STK32C: variants seen among roughly 807,000 people sequenced by gnomAD.
The protein encoded by STK32C is serine/threonine kinase 32C, also known as serine/threonine-protein kinase 32C.
Under a neutral mutation model 56.5 loss-of-function variants are expected in STK32C, and 31 were observed. The ratio of observed to expected loss-of-function variants is 0.55; its 90% confidence interval spans 0.41 to 0.74. The LOEUF is 0.74. STK32C is among the 30% of genes least tolerant of loss of function. STK32C has a pLI of 0.00. For missense variants in STK32C, 544 were observed against 676.9 expected (o/e 0.80, Z 2.18); for synonymous variants, 309 against 289.4 (o/e 1.07, Z -0.69).
chr10:132,304,912 G>A (rs935702719), intron 1 of STK32C, among the ~76,000 whole-genome samples: 5 of 152,326 alleles, frequency 3.3e-5, no homozygotes, highest in East Asian at 3.9e-4. Context: ...CTAATGCCAC[G>A]TCAGGCTGGA....
At chr10:132,275,356 G>A (rs779983875) in intron 1 of STK32C, among the ~76,000 whole-genome samples, 29 of 152,320 alleles carry the variant, frequency 1.9e-4, no homozygotes, top group Admixed American at 7.2e-4. Flanking sequence ...GCAAGAGGCC[G>A]AGGGAAGGTC....
At chr10:132,238,550 T>C (rs1461811761) in intron 2 of STK32C, among the ~76,000 whole-genome samples, 1 of 152,088 alleles carries the variant, frequency 6.6e-6, no homozygotes, top group African/African-American at 2.4e-5. Flanking sequence ...CTGCCCTGGT[T>C]GTCTGGGGTC....
chr10:132,231,146 C>T (rs1565086510), intron 2 of STK32C, among the ~76,000 whole-genome samples: 1 of 152,250 alleles, frequency 6.6e-6, no homozygotes, highest in East Asian at 1.9e-4. Context: ...CCGTCACACG[C>T]ATCCCATCAC....
intron 1 of STK32C, among the ~76,000 whole-genome samples, chr10:132,259,412 GATCCCCCTT>G (rs2064232655): frequency 6.6e-6 from 1 of 152,144 alleles, no homozygotes; most frequent in East Asian, 1.9e-4. Flanking sequence ...ACGGGGCGGA[GATCCCCCTT>G]GCTGTTCTCG....
intron 1 of STK32C, among the ~76,000 whole-genome samples, chr10:132,302,612 G>C (rs1348696607): frequency 6.6e-6 from 1 of 152,228 alleles, no homozygotes; most frequent in Non-Finnish European, 1.5e-5. Flanking sequence ...CCTGCACTGT[G>C]GGGGATGGGT....
chr10:132,264,265 G>C (rs919928532), intron 1 of STK32C, among the ~76,000 whole-genome samples: 2 of 152,234 alleles, frequency 1.3e-5, no homozygotes, highest in Non-Finnish European at 2.9e-5. Context: ...CAATTAACAA[G>C]ATAATTATTT....
At chr10:132,309,718 C>T (rs2066185006), upstream of STK32C, among the ~76,000 whole-genome samples, 1 of 152,122 alleles carries the variant, frequency 6.6e-6, no homozygotes, top group Non-Finnish European at 1.5e-5. Context: ...AGGGGAGGTA[C>T]CAAGGCAGGG....
At chr10:132,234,756 T>TG (rs1254692185) in intron 2 of STK32C, among the ~76,000 whole-genome samples, 2 of 152,130 alleles carry the variant, frequency 1.3e-5, no homozygotes, top group East Asian at 1.9e-4. Context: ...CATGAGCTGC[T>TG]GGGGGGGCCT....
In STK32C at chr10:132,225,307, C is replaced by T. The variant is rs2062848311; in HGVS notation, c.802G>A (p.Gly268Ser). ...ACCTCGAAGGAGTAGCCGGTCCCGC[C>T]GTTGACAAAAGAGTGGAAGATCTCC... ...APEIFHSFVN[G>S]GTGYSFEVDW... Residue 268 changes from glycine (G) to serine (S), a missense_variant, in exon 7 of 12, where the codon GGC becomes AGC. By Grantham distance (56) the Gly-to-Ser change is moderately conservative. Transcript: ENST00000298630. The T allele has an allele frequency of 4.3e-6, 7 of 1,612,102 alleles. No individual in the cohort carries two copies. The highest frequency in any genetic ancestry group is 2.2e-5 in the East Asian group (1 of 44,742).
chr10:132,301,033 A>G (rs1163268795), intron 1 of STK32C, among the ~76,000 whole-genome samples: 2 of 152,116 alleles, frequency 1.3e-5, no homozygotes, highest in African/African-American at 2.4e-5. Context: ...CTGGTCGTCC[A>G]CTAACGTGAG....
chr10:132,317,793 C>T (rs938209433), intron 1 of STK32C, among the ~76,000 whole-genome samples: 1 of 151,918 alleles, frequency 6.6e-6, no homozygotes, highest in Admixed American at 6.6e-5. Flanking sequence ...TCCTGGCCAA[C>T]ATGGTAAAAC....
chr10:132,225,126 C>CAT, intron 7 of STK32C, 107 bp downstream of exon 7: 1 of 802,878 alleles, frequency 1.2e-6, no homozygotes, highest in Non-Finnish European at 2.0e-6. Context: ...ACAGTGGAGA[C>CAT]ATCCCTGCGC....
chr10:132,275,091 G>C (rs2138185595), intron 1 of STK32C, among the ~76,000 whole-genome samples: 1 of 152,268 alleles, frequency 6.6e-6, no homozygotes, highest in Admixed American at 6.5e-5. Flanking sequence ...CCTCCTGGAA[G>C]CACCCAGGGG....
At chr10:132,292,671 T>C (rs994999385) in intron 1 of STK32C, among the ~76,000 whole-genome samples, 10 of 152,114 alleles carry the variant, frequency 6.6e-5, no homozygotes, top group Admixed American at 5.2e-4. Flanking sequence ...CCAGCCCAGG[T>C]GCTCTGAGGG....
rs1203825017 is a variant in STK32C at position 132,251,737 on chromosome 10, A to AGGCAGGTCAATG, written c.263-5783_263-5782insCATTGACCTGCC. Reference sequence around the variant, plus strand: ...CACTACCCACCACAGGCAGGTCAACACCCTACACCTCCTGGGGCCTCCGAC... The same window carrying AGGCAGGTCAATG: ...CACTACCCACCACAGGCAGGTCAACAGGCAGGTCAATGCCCTACACCTCCTGGGGCCTCCGAC... On this transcript the variant is annotated intron_variant, in intron 1 of 11. Transcript: ENST00000298630. 1.5e-4 allele frequency among the ~76,000 whole-genome samples: 18 copies of AGGCAGGTCAATG among 118,356 alleles called. 2 individuals are homozygous for AGGCAGGTCAATG. Among genetic ancestry groups the AGGCAGGTCAATG allele is most frequent in the South Asian group, 8.8e-4 (3 of 3,402 alleles). 77.6% of individuals were successfully genotyped at this position (118,356 alleles called of 152,430 possible).
At chr10:132,323,220 T>C (rs561213440), downstream of STK32C, among the ~76,000 whole-genome samples, 3 of 152,310 alleles carry the variant, frequency 2.0e-5, no homozygotes, top group South Asian at 6.2e-4. The surrounding 1 kb of genome is among the most constrained non-coding windows in gnomAD (Gnocchi z 4.8). Context: ...TTCCACCAAA[T>C]CAATTTCTCC....
rs370636909 is a variant in STK32C at position 132,269,104 on chromosome 10, CGTGT to C, written c.263-23153_263-23150del. On this transcript the variant is annotated intron_variant, in intron 1 of 11. Coordinates refer to ENST00000298630, the MANE Select transcript of STK32C (RefSeq NM_173575.4). Reference sequence around the variant, plus strand: ...GCAGCTGTGCCTGCGTGCGTCACATCGTGTGTGTGTGTGCCTGCGTGTGTACATG... The same window carrying C: ...GCAGCTGTGCCTGCGTGCGTCACATCGTGTGTGTGCCTGCGTGTGTACATG... Among the ~76,000 whole-genome samples, 652 of 148,730 alleles carry C rather than the reference CGTGT, an allele frequency of 4.4e-3. 5 individuals carry two copies. The highest frequency in any genetic ancestry group is 0.013 in the African/African-American group (544 of 40,334).
intron 8 of STK32C, among the ~76,000 whole-genome samples, chr10:132,224,057 C>T (rs1298903749): frequency 2.0e-5 from 3 of 152,218 alleles, no homozygotes; most frequent in Non-Finnish European, 2.9e-5. Flanking sequence ...CGACACCCTC[C>T]TTCCAATACG....
upstream of STK32C, chr10:132,332,040 G>T: frequency 2.9e-6 from 1 of 344,886 alleles, no homozygotes; most frequent in East Asian, 5.0e-5. Flanking sequence ...GCCCCCGCAC[G>T]CAGGCACAAA....
Sources: allele counts gnomAD v4.1 joint callset (sites outside exome capture counted in the v4.1 genomes callset), GRCh38; gene constraint gnomAD v4.1.1; non-coding constraint Gnocchi (gnomAD v3.1); transcripts MANE v1.5; gene names NCBI Gene and HGNC (gene_info 2026-07-23, HGNC 2026-07-21).